The following ALDH1A3 variants were observed in gnomAD, a reference collection of about 807,000 sequenced individuals.
The protein encoded by ALDH1A3 is retinaldehyde dehydrogenase 3.
ALDH1A3 carries 28 observed loss-of-function variants against 57.5 expected under a neutral mutation model. That is an observed-to-expected ratio of 0.49 (90% CI 0.36 to 0.67). The LOEUF (loss-of-function observed/expected upper bound fraction) is 0.67. ALDH1A3 is among the 30% of genes least tolerant of loss of function. The pLI, the probability that ALDH1A3 is intolerant of heterozygous loss-of-function variation, is 0.00. For synonymous variants in ALDH1A3, 281 were observed against 264.8 expected (o/e 1.06, Z -0.59); for missense variants, 507 against 669.4 (o/e 0.76, Z 2.68).
chr15:100,914,743 C>G lies in ALDH1A3; in HGVS notation c.1509C>G (p.Val503=), dbSNP rs1412615134. 6.2e-7 allele frequency: 1 copy of G among 1,614,008 alleles called. No homozygotes were observed. The highest frequency in any genetic ancestry group is 1.3e-5 in the African/African-American group (1 of 74,938). The part of the protein sequence containing the change: ...ALAEYTEVKT[V]TIKLGDKNP ...CCGAATACACAGAAGTGAAAACTGT[C>G]ACCATCAAACTTGGCGACAAGAACC... is the stretch of plus-strand genomic sequence containing the variant. The change falls in exon 13 of 13, where the codon GTC becomes GTG. Residue 503 remains valine (V), a synonymous_variant. Transcript: ENST00000329841.
rs1335963278 is a variant in ALDH1A3, at chr15:100,887,713, G to A, written c.345+1G>A. ...GGAGAGGGACCGCGCCACCTTGGCC[G>A]TGAGTACATGCACTTGGGGGCCGGT... is the stretch of plus-strand genomic sequence containing the variant. On this transcript the variant is annotated splice_donor_variant, in intron 3 of 12. Coordinates refer to ENST00000329841, the MANE Select transcript of ALDH1A3 (RefSeq NM_000693.4). LOFTEE classifies it high-confidence loss of function. The surrounding 1 kb of genome is among the most constrained non-coding windows in gnomAD (Gnocchi z 4.6). 17 of 1,596,230 alleles carry A rather than the reference G, an allele frequency of 1.1e-5. No homozygotes were observed. The highest frequency in any genetic ancestry group is 3.4e-5 in the South Asian group (3 of 88,314).
rs2041625421 is a variant in ALDH1A3 at position 100,889,228 on chromosome 15, G to C, written c.345+1516G>C. ...GGAAAAATGGTTTTTCTGATGTCGG[G>C]AACAAGCAGTAGGGTAGCCACTGTT... On this transcript the variant is annotated intron_variant, in intron 3 of 12. Transcript: ENST00000329841. This position sits in a 1 kb window ranked among gnomAD's most constrained non-coding sequence, Gnocchi z 5.1. 1 of 152,316 alleles carries C rather than the reference G, an allele frequency of 6.6e-6. No homozygotes were observed. The highest frequency in any genetic ancestry group is 1.9e-4 in the East Asian group (1 of 5,192). The allele number at this position is 152,316 out of a possible 1,614,324, so 9.4% of individuals were successfully genotyped here.
At chr15:100,890,853 A>T (rs901703446) in intron 3 of ALDH1A3, among the ~76,000 whole-genome samples, 2 of 152,182 alleles carry the variant, frequency 1.3e-5, no homozygotes, top group African/African-American at 4.8e-5. Flanking sequence ...TTTTTGCACT[A>T]TTTGCAATTG....
Position 100,896,060 on chromosome 15 carries a change from CAG to C in ALDH1A3, c.780+15_780+16del, listed in dbSNP as rs1433763206. The C allele has an allele frequency of 6.3e-7, 1 of 1,592,808 alleles. No individual in the cohort carries two copies. The highest frequency in any genetic ancestry group is 8.6e-7 in the Non-Finnish European group (1 of 1,166,666). The stretch of plus-strand genomic sequence containing the variant: ...GGCTCCACAGAGGTAACCCTCCTCA[CAG>C]GGTGCTGGGGAAAGTGAAAGGGGCG... On this transcript the variant is annotated intron_variant, in intron 7 of 12. Coordinates refer to ENST00000329841, the MANE Select transcript of ALDH1A3 (RefSeq NM_000693.4).
At chr15:100,909,084 T>C (rs1463092257) in intron 12 of ALDH1A3, among the ~76,000 whole-genome samples, 1 of 143,580 alleles carries the variant, frequency 7.0e-6, no homozygotes, top group Non-Finnish European at 1.5e-5. Flanking sequence ...CACGCGTGCA[T>C]GTAAACCCAC....
At chr15:100,884,958 T>A (rs1345578258) in intron 1 of ALDH1A3, among the ~76,000 whole-genome samples, 1 of 152,186 alleles carries the variant, frequency 6.6e-6, no homozygotes, top group Non-Finnish European at 1.5e-5. Flanking sequence ...CCATTTAACT[T>A]AGCCATTCCT....
intron 9 of ALDH1A3, among the ~76,000 whole-genome samples, chr15:100,902,666 G>A (rs1211682886): frequency 6.6e-6 from 1 of 152,244 alleles, no homozygotes; most frequent in Non-Finnish European, 1.5e-5. Flanking sequence ...TGTGGGGGCC[G>A]TATTTCCCTG....
At chr15:100,884,580 T>G (rs988625254) in intron 1 of ALDH1A3, among the ~76,000 whole-genome samples, 6 of 150,522 alleles carry the variant, frequency 4.0e-5, no homozygotes, top group African/African-American at 1.2e-4. Context: ...TTTTTTTTTT[T>G]GACATTTTAT....
intron 1 of ALDH1A3, among the ~76,000 whole-genome samples, chr15:100,882,030 C>T (rs1164675721): frequency 6.6e-6 from 1 of 152,186 alleles, no homozygotes; most frequent in Admixed American, 6.5e-5. Context: ...AAGTGCAGGA[C>T]TGAGGCCCAG....
chr15:100,915,092 G>C lies in ALDH1A3; in HGVS notation c.*319G>C, dbSNP rs2041918492. Reference sequence around the variant, plus strand: ...GTTAACAGGGAGTGGTATTTGAAGTGTCCAGCAGTTGCTTGAAATGCTTTG... The same window carrying C: ...GTTAACAGGGAGTGGTATTTGAAGTCTCCAGCAGTTGCTTGAAATGCTTTG... On this transcript the variant is annotated 3_prime_UTR_variant, in exon 13 of 13. Coordinates refer to ENST00000329841, the MANE Select transcript of ALDH1A3 (RefSeq NM_000693.4). The C allele has an allele frequency of 3.3e-6, 1 of 299,172 alleles. No homozygotes were observed. Among genetic ancestry groups the C allele is most frequent in the Non-Finnish European group, 6.4e-6 (1 of 155,462 alleles). 18.5% of individuals were successfully genotyped at this position (299,172 alleles called of 1,614,324 possible). A position where few individuals can be genotyped will look rare whatever the true frequency, so the allele number is the denominator to read the frequency against.
chr15:100,914,942 C>T lies in ALDH1A3; in HGVS notation c.*169C>T. ...TTTTCCTCTCACTCTCCTGTTTATT[C>T]ACCAGACTGGGGATGCCTATAGGTT... On this transcript the variant is annotated 3_prime_UTR_variant, in exon 13 of 13. Coordinates refer to ENST00000329841, the MANE Select transcript of ALDH1A3 (RefSeq NM_000693.4). The T allele has an allele frequency of 3.1e-6, 2 of 652,990 alleles. No homozygotes were observed. Among genetic ancestry groups the T allele is most frequent in the Non-Finnish European group, 5.2e-6 (2 of 382,606 alleles). 40.4% of individuals were successfully genotyped at this position (652,990 alleles called of 1,614,324 possible).
At chr15:100,910,542 T>A (rs911905608) in intron 12 of ALDH1A3, among the ~76,000 whole-genome samples, 11 of 152,206 alleles carry the variant, frequency 7.2e-5, no homozygotes, top group African/African-American at 2.7e-4. Flanking sequence ...ATCCATGAGA[T>A]GGGTCCAGCT....
At chr15:100,884,300 G>A (rs528414449) in intron 1 of ALDH1A3, among the ~76,000 whole-genome samples, 1 of 152,326 alleles carries the variant, frequency 6.6e-6, no homozygotes, top group South Asian at 2.1e-4. Flanking sequence ...TTAGAACTTA[G>A]TGTAAACTAA....
intron 7 of ALDH1A3, 142 bp from the exon 8 acceptor site, chr15:100,897,941 G>T: frequency 1.5e-6 from 1 of 657,468 alleles, no homozygotes. Context: ...TGAAGGGACG[G>T]CATCGGGGCC....
chr15:100,894,171 C>A lies in ALDH1A3; in HGVS notation c.666+89C>A. ...CCACCGTCACGAGATGGGACAGTGG[C>A]AGACTGCTGGCAATCGAGTGGGAAG... On this transcript the variant is annotated intron_variant, in intron 6 of 12. Transcript: ENST00000329841. This position sits in a 1 kb window ranked among gnomAD's most constrained non-coding sequence, Gnocchi z 4.5. 4.0e-6 allele frequency: 6 copies of A among 1,497,524 alleles called. No homozygotes were observed. The highest frequency in any genetic ancestry group is 4.5e-6 in the Non-Finnish European group (5 of 1,103,008). 92.8% of individuals were successfully genotyped at this position (1,497,524 alleles called of 1,614,324 possible). A position where few individuals can be genotyped will look rare whatever the true frequency, so the allele number is the denominator to read the frequency against.
chr15:100,889,762 C>T lies in ALDH1A3; in HGVS notation c.345+2050C>T, dbSNP rs977272710. Among the ~76,000 whole-genome samples, 9 of 152,204 alleles carry T rather than the reference C, an allele frequency of 5.9e-5. No homozygotes were observed. Among genetic ancestry groups the T allele is most frequent in the African/African-American group, 1.9e-4 (8 of 41,438 alleles). ...TTGATAGCAGACAGCTTTGGAGGAT[C>T]TCAGAATGCAAACCCAGCAAATCAC... On this transcript the variant is annotated intron_variant, in intron 3 of 12. Transcript: ENST00000329841. This position sits in a 1 kb window ranked among gnomAD's most constrained non-coding sequence, Gnocchi z 5.1.
intron 11 of ALDH1A3, among the ~76,000 whole-genome samples, chr15:100,908,004 A>G (rs1415596889): frequency 6.6e-6 from 1 of 151,694 alleles, no homozygotes; most frequent in Non-Finnish European, 1.5e-5. Context: ...GCACGCCACC[A>G]CGCCCAGCTA....
At chr15:100,897,295 T>A (rs2041714753) in intron 7 of ALDH1A3, among the ~76,000 whole-genome samples, 1 of 152,172 alleles carries the variant, frequency 6.6e-6, no homozygotes, top group Admixed American at 6.5e-5. Context: ...CCTTGCTAGC[T>A]TCTGGCTCTA....
rs1316459035 is a variant in ALDH1A3, at chr15:100,916,038, T to C, written c.*1265T>C. 1 of 152,260 alleles carries C rather than the reference T, an allele frequency of 6.6e-6. No homozygotes were observed. Among genetic ancestry groups the C allele is most frequent in the African/African-American group, 2.4e-5 (1 of 41,458 alleles). 9.4% of individuals were successfully genotyped at this position (152,260 alleles called of 1,614,324 possible). On this transcript the variant is annotated 3_prime_UTR_variant, in exon 13 of 13. Coordinates refer to ENST00000329841, the MANE Select transcript of ALDH1A3 (RefSeq NM_000693.4). ...GGATACTTTTATGGTTACTAACTAG[T>C]ACTTTCCTAATTGGGAAAGTAGTGC...
Sources: allele counts gnomAD v4.1 joint callset (sites outside exome capture counted in the v4.1 genomes callset), GRCh38; gene constraint gnomAD v4.1.1; non-coding constraint Gnocchi (gnomAD v3.1); transcripts MANE v1.5; gene names NCBI Gene and HGNC (gene_info 2026-07-23, HGNC 2026-07-21).